BTBD16: variants seen among roughly 807,000 people sequenced by gnomAD.
The protein encoded by BTBD16 is BTB domain containing 16.
BTBD16 carries 66 observed loss-of-function variants against 67.4 expected under a neutral mutation model. The ratio of observed to expected loss-of-function variants is 0.98; its 90% CI spans 0.80 to 1.20. The LOEUF is 1.20. Among genes scored for constraint, BTBD16 ranks in the 50% most tolerant of loss-of-function variants. The pLI, the probability that BTBD16 is intolerant of heterozygous loss-of-function variation, is 0.00. For missense variants in BTBD16, 634 were observed against 616.0 expected, an observed-to-expected ratio of 1.03 and a Z score of -0.31; for synonymous variants, 242 against 236.4, an observed-to-expected ratio of 1.02 and a Z score of -0.22.
intron 7 of BTBD16, among the ~76,000 whole-genome samples, chr10:122,296,989 G>A (rs915236273): frequency 1.3e-5 from 2 of 152,192 alleles, no homozygotes; most frequent in Non-Finnish European, 2.9e-5. Context: ...TGAATCCCTG[G>A]CCTGGCCTGT....
At chr10:122,275,346 A>T (rs1278133138) in intron 2 of BTBD16, among the ~76,000 whole-genome samples, 1 of 152,174 alleles carries the variant, frequency 6.6e-6, no homozygotes, top group Non-Finnish European at 1.5e-5. Flanking sequence ...CTAGACTCAG[A>T]TTCCACAGTT....
chr10:122,282,600 G>A (rs568126956), intron 3 of BTBD16, among the ~76,000 whole-genome samples: 6 of 152,186 alleles, frequency 3.9e-5, no homozygotes, highest in Non-Finnish European at 5.9e-5. Context: ...TTTAAGCTGC[G>A]AATATGTGAC....
At chr10:122,281,195 G>A (rs1427455568) in intron 3 of BTBD16, among the ~76,000 whole-genome samples, 1 of 152,156 alleles carries the variant, frequency 6.6e-6, no homozygotes, top group African/African-American at 2.4e-5. Flanking sequence ...TAACAAGGGC[G>A]ACACCAGTTT....
intron 3 of BTBD16, among the ~76,000 whole-genome samples, chr10:122,279,290 G>A (rs751287224): frequency 2.2e-4 from 34 of 151,938 alleles, no homozygotes; most frequent in Non-Finnish European, 3.8e-4. Context: ...CCAGCATGGG[G>A]CAACATGGTG....
intron 10 of BTBD16, among the ~76,000 whole-genome samples, chr10:122,310,810 C>G (rs946705701): frequency 1.3e-5 from 2 of 152,210 alleles, no homozygotes; most frequent in Admixed American, 6.5e-5. Context: ...AACTGCACTT[C>G]CCTAACATGT....
intron 9 of BTBD16, among the ~76,000 whole-genome samples, chr10:122,302,743 A>AGTT (rs1164375036): frequency 6.6e-6 from 1 of 152,226 alleles, no homozygotes; most frequent in African/African-American, 2.4e-5. Flanking sequence ...AGCTATATAC[A>AGTT]GTTGTTGTTG....
At chr10:122,277,007 C>G (rs2096342139) in intron 3 of BTBD16, 68 bp downstream of exon 3, 12 of 1,547,352 alleles carry the variant, frequency 7.8e-6, no homozygotes, top group Non-Finnish European at 9.6e-6. Context: ...TGCCTGATGA[C>G]CGGGCCACTC....
chr10:122,313,510 G>A (rs1045369198), intron 10 of BTBD16, among the ~76,000 whole-genome samples: 7 of 151,698 alleles, frequency 4.6e-5, no homozygotes, highest in South Asian at 2.1e-4. Flanking sequence ...TGATCCGCCC[G>A]CCTCGGCCTC....
intron 15 of BTBD16, 54 bp downstream of exon 15, chr10:122,336,736 C>T (rs1175586775): frequency 6.9e-7 from 1 of 1,458,844 alleles, no homozygotes; most frequent in Admixed American, 2.4e-5. Context: ...TTCTCTCCCC[C>T]ATCCTTTTGG....
chr10:122,285,480 A>G (rs1240112813), intron 4 of BTBD16, among the ~76,000 whole-genome samples: 3 of 152,112 alleles, frequency 2.0e-5, no homozygotes, highest in Non-Finnish European at 4.4e-5. Flanking sequence ...TGCCTTTCAG[A>G]TGGGTCATGC....
At chr10:122,298,100 G>C (rs1052751740) in intron 8 of BTBD16, among the ~76,000 whole-genome samples, 3 of 152,088 alleles carry the variant, frequency 2.0e-5, no homozygotes, top group African/African-American at 4.8e-5. Context: ...CTTTCTCACC[G>C]AAACAGCCGA....
At chr10:122,273,082 A>T (rs990246872) in intron 1 of BTBD16, among the ~76,000 whole-genome samples, 2 of 152,200 alleles carry the variant, frequency 1.3e-5, no homozygotes, top group East Asian at 3.9e-4. Flanking sequence ...AACACTTATA[A>T]ATTGGTGATA....
At chr10:122,302,080 C>T (rs2096395088) in intron 9 of BTBD16, among the ~76,000 whole-genome samples, 2 of 152,098 alleles carry the variant, frequency 1.3e-5, no homozygotes, top group Admixed American at 6.5e-5. Context: ...AGCTGTGGGG[C>T]CAATTCCCTG....
At chr10:122,275,669 G>T (rs2096339049) in intron 2 of BTBD16, among the ~76,000 whole-genome samples, 1 of 152,160 alleles carries the variant, frequency 6.6e-6, no homozygotes, top group Admixed American at 6.5e-5. Context: ...GGTGCCCTGG[G>T]TGGCTTGGGA....
At chr10:122,273,359 G>T (rs1393191489) in intron 1 of BTBD16, among the ~76,000 whole-genome samples, 19 of 151,736 alleles carry the variant, frequency 1.3e-4, no homozygotes, top group Admixed American at 1.1e-3. Flanking sequence ...TGTTCCCATT[G>T]TTTTTATTAT....
chr10:122,302,947 A>G (rs1401406182), intron 9 of BTBD16, among the ~76,000 whole-genome samples: 1 of 152,182 alleles, frequency 6.6e-6, no homozygotes, highest in East Asian at 1.9e-4. Context: ...GGTCATTACC[A>G]GCTCACTGAC....
chr10:122,299,169 G>A (rs1199544331), intron 9 of BTBD16, 35 bp downstream of exon 9: 4 of 1,608,592 alleles, frequency 2.5e-6, no homozygotes, highest in South Asian at 2.2e-5. Context: ...GCCCCTGAGA[G>A]GGGGATGGGA....
At chr10:122,283,387 G>A (rs892957127) in intron 3 of BTBD16, among the ~76,000 whole-genome samples, 17 of 152,186 alleles carry the variant, frequency 1.1e-4, no homozygotes, top group African/African-American at 3.1e-4. Context: ...GAGTGAGCAG[G>A]GTAGGATTTG....
chr10:122,286,494 G>A (rs747171600), intron 5 of BTBD16, among the ~76,000 whole-genome samples: 2 of 152,118 alleles, frequency 1.3e-5, no homozygotes, highest in African/African-American at 2.4e-5. Context: ...ACAAGGCCTG[G>A]CACACAGCAA....
Sources: gnomAD v4.1 joint callset for allele counts (sites outside exome capture counted in the v4.1 genomes callset) on GRCh38, gnomAD v4.1.1 for gene constraint, MANE v1.5 for transcripts, NCBI Gene and HGNC (gene_info 2026-07-23, HGNC 2026-07-21) for gene names.